Variants in CCNY observed in about 807,000 individuals in gnomAD.
CCNY encodes the protein cyclin-Y.
CCNY carries 19 observed loss-of-function variants against 42.8 expected under a neutral mutation model. That is an observed-to-expected ratio of 0.44 (90% CI 0.31 to 0.65). The LOEUF is 0.65. Ranked by LOEUF, CCNY falls within the 30% of genes least tolerant of loss-of-function variation. The probability of loss-of-function intolerance (pLI) is 0.07; values close to 1 mark genes in which losing one functional copy is unlikely to be tolerated. For missense variants in CCNY, 370 were observed against 437.3 expected (o/e 0.85, Z 1.37); for synonymous variants, 165 against 162.7 (o/e 1.01, Z -0.11).
At chr10:35,561,975 T>A (rs1410145634) in intron 8 of CCNY, among the ~76,000 whole-genome samples, 2 of 152,172 alleles carry the variant, frequency 1.3e-5, no homozygotes, top group Admixed American at 6.5e-5. Flanking sequence ...TTTCTCCCAC[T>A]CTCACCAACA....
chr10:35,265,419 G>A (rs2095724179), intron 3 of CCNY, among the ~76,000 whole-genome samples: 2 of 152,208 alleles, frequency 1.3e-5, no homozygotes, highest in South Asian at 2.1e-4. Context: ...GTGGAGATTA[G>A]GGTTTCTACA....
chr10:35,252,477 A>C (rs917093079), intron 3 of CCNY, among the ~76,000 whole-genome samples: 102 of 150,806 alleles, frequency 6.8e-4, no homozygotes, highest in African/African-American at 2.3e-3. Context: ...GAGGCAGGAG[A>C]ATGGCGTGAA....
chr10:35,495,329 T>G (rs983010409), intron 2 of CCNY, among the ~76,000 whole-genome samples: 1 of 152,268 alleles, frequency 6.6e-6, no homozygotes, highest in African/African-American at 2.4e-5. Flanking sequence ...GAAGTTTCTG[T>G]GCTTCTGAAG....
rs572512027 is a variant in CCNY at position 35,281,525 on chromosome 10, A to G, written c.-9+30899A>G. On this transcript the variant is annotated intron_variant, in intron 3 of 11. Transcript: ENST00000374706. Reference sequence around the variant, plus strand: ...CAGCATCTTGGCCAGGCTGGTCTTGAACTCCTGACCTCATGATCCACCTGC... The same window carrying G: ...CAGCATCTTGGCCAGGCTGGTCTTGGACTCCTGACCTCATGATCCACCTGC... Among the ~76,000 whole-genome samples the G allele has an allele frequency of 2.6e-5, 4 of 151,900 alleles. No homozygotes were observed. The South Asian group carries it at 8.3e-4, about 32-fold the overall frequency.
chr10:35,501,854 C>T (rs1453007568), intron 3 of CCNY, among the ~76,000 whole-genome samples: 1 of 152,212 alleles, frequency 6.6e-6, no homozygotes, highest in Non-Finnish European at 1.5e-5. Context: ...CCTTTCTCTA[C>T]CCTCACCCCC....
intron 1 of CCNY, among the ~76,000 whole-genome samples, chr10:35,340,948 C>G (rs1836166371): frequency 6.6e-6 from 1 of 152,188 alleles, no homozygotes; most frequent in South Asian, 2.1e-4. Context: ...TGCTGCTGCT[C>G]TTCTGGAGAT....
intron 1 of CCNY, among the ~76,000 whole-genome samples, chr10:35,428,162 C>T (rs910060623): frequency 6.6e-6 from 1 of 152,170 alleles, no homozygotes; most frequent in African/African-American, 2.4e-5. Flanking sequence ...CAGATGCTGT[C>T]ACTGCTCTTG....
chr10:35,377,813 TAAG>T (rs910217878), intron 1 of CCNY, among the ~76,000 whole-genome samples: 20 of 150,014 alleles, frequency 1.3e-4, no homozygotes, highest in African/African-American at 4.8e-4. Context: ...AAAAATTAAG[TAAG>T]AAGAGTAGCA....
chr10:35,325,175 C>T (rs1283588861), intron 3 of CCNY, among the ~76,000 whole-genome samples: 1 of 151,752 alleles, frequency 6.6e-6, no homozygotes, highest in Non-Finnish European at 1.5e-5. Context: ...CTCTTATTTC[C>T]CTTTCATTTT....
chr10:35,296,196 T>C (rs539368669), intron 3 of CCNY, among the ~76,000 whole-genome samples: 2 of 152,036 alleles, frequency 1.3e-5, no homozygotes, highest in South Asian at 2.1e-4. Context: ...TTGAAGGAAA[T>C]TGAGAAGCAA....
At chr10:35,541,863 G>T (rs1198917780) in intron 7 of CCNY, among the ~76,000 whole-genome samples, 5 of 150,772 alleles carry the variant, frequency 3.3e-5, no homozygotes, top group Non-Finnish European at 7.4e-5. Context: ...ACACCATGTT[G>T]TATCTAGTTG....
chr10:35,522,521 G>C (rs189161534), intron 4 of CCNY, among the ~76,000 whole-genome samples: 2 of 152,126 alleles, frequency 1.3e-5, no homozygotes, highest in Admixed American at 6.5e-5. Context: ...CACACTCCAG[G>C]GGGAGGCCAA....
At chr10:35,482,749 G>GGTGTGTGTGTGTGTGTGTGTGTGT (rs56033862) in intron 1 of CCNY, among the ~76,000 whole-genome samples, 4 of 128,844 alleles carry the variant, frequency 3.1e-5, no homozygotes, top group Non-Finnish European at 6.5e-5. Flanking sequence ...GCTGGAAATA[G>GGTGTGTGTGTGTGTGTGTGTGTGT]GTGTGTGTGT....
chr10:35,440,658 C>A (rs1838646616), intron 1 of CCNY, among the ~76,000 whole-genome samples: 1 of 152,152 alleles, frequency 6.6e-6, no homozygotes, highest in South Asian at 2.1e-4. Flanking sequence ...GTGGTGATCA[C>A]CTGTGGGAGA....
intron 3 of CCNY, among the ~76,000 whole-genome samples, chr10:35,293,489 T>C (rs2135065682): frequency 6.6e-6 from 1 of 152,310 alleles, no homozygotes; most frequent in Non-Finnish European, 1.5e-5. Context: ...AGGTTGCCAG[T>C]TTCTGCAAAG....
intron 3 of CCNY, among the ~76,000 whole-genome samples, chr10:35,297,780 C>T (rs558327875): frequency 1.3e-5 from 2 of 152,194 alleles, no homozygotes; most frequent in East Asian, 3.9e-4. Flanking sequence ...ATACAGCTAA[C>T]CAGCGAGGTG....
intron 3 of CCNY, chr10:35,316,382 C>G (rs547502024): frequency 7.2e-5 from 11 of 152,318 alleles, no homozygotes; most frequent in African/African-American, 2.6e-4. Flanking sequence ...CCATATGGCT[C>G]TGTCTCTACC....
intron 1 of CCNY, among the ~76,000 whole-genome samples, chr10:35,433,256 T>G (rs1201981681): frequency 1.3e-5 from 2 of 152,236 alleles, no homozygotes; most frequent in African/African-American, 4.8e-5. Flanking sequence ...CCTCCTATTG[T>G]AAAACGTTTT....
intron 1 of CCNY, among the ~76,000 whole-genome samples, chr10:35,475,914 CAT>C (rs1380677735): frequency 6.6e-6 from 1 of 151,666 alleles, no homozygotes; most frequent in Non-Finnish European, 1.5e-5. Context: ...CAGAGACACA[CAT>C]AGGCTCAAAA....
Sources: allele counts gnomAD v4.1 joint callset (sites outside exome capture counted in the v4.1 genomes callset), GRCh38; gene constraint gnomAD v4.1.1; transcripts MANE v1.5; gene names NCBI Gene and HGNC (gene_info 2026-07-23, HGNC 2026-07-21).